NEDD4: variants seen among roughly 807,000 people sequenced by gnomAD.
NEDD4 encodes the protein NEDD4 E3 ubiquitin protein ligase.
NEDD4 carries 99 observed loss-of-function variants against 144.9 expected under a neutral mutation model. The observed-to-expected ratio is 0.68, with a 90% CI of 0.58 to 0.81. NEDD4 has a LOEUF of 0.81. Among genes scored for constraint, NEDD4 ranks in the 30% least tolerant of loss-of-function variants. The pLI is 0.00. For missense variants in NEDD4, 985 were observed against 1,065.9 expected (o/e 0.92, Z 1.06); for synonymous variants, 318 against 350.6 (o/e 0.91, Z 1.04).
intron 5 of NEDD4, among the ~76,000 whole-genome samples, chr15:55,923,830 C>CTT (rs11376596): frequency 8.0e-4 from 121 of 150,678 alleles, no homozygotes; most frequent in Non-Finnish European, 1.3e-3. Flanking sequence ...TAAAAACAGA[C>CTT]TTTTTTTTAA....
chr15:55,958,858 A>T (rs2037381867), intron 2 of NEDD4, among the ~76,000 whole-genome samples: 1 of 150,302 alleles, frequency 6.7e-6, no homozygotes. Flanking sequence ...CAGGGTCTAT[A>T]GCAATGCCCC....
At chr15:55,850,277 T>G (rs1483348239) in intron 14 of NEDD4, among the ~76,000 whole-genome samples, 1 of 152,212 alleles carries the variant, frequency 6.6e-6, no homozygotes, top group Non-Finnish European at 1.5e-5. Flanking sequence ...TATTCCTATG[T>G]ATCTTCTTAA....
chr15:55,934,010 G>C (rs1420947343), intron 4 of NEDD4, among the ~76,000 whole-genome samples: 1 of 152,104 alleles, frequency 6.6e-6, no homozygotes, highest in Admixed American at 6.5e-5. Context: ...AAAATTAGCT[G>C]GGTGTGGTGG....
At chr15:55,923,423 G>A (rs1401486113) in intron 5 of NEDD4, among the ~76,000 whole-genome samples, 5 of 151,304 alleles carry the variant, frequency 3.3e-5, no homozygotes, top group East Asian at 4.0e-4. Context: ...AGAGGCAGGC[G>A]GATCACGAGA....
At chr15:55,882,815 G>A (rs928222893) in intron 5 of NEDD4, among the ~76,000 whole-genome samples, 7 of 152,138 alleles carry the variant, frequency 4.6e-5, no homozygotes, top group Admixed American at 3.3e-4. Context: ...CTTACAACCT[G>A]GATACCAGCT....
intron 17 of NEDD4, among the ~76,000 whole-genome samples, chr15:55,847,778 G>A (rs1253381349): frequency 6.6e-6 from 1 of 151,198 alleles, no homozygotes; most frequent in East Asian, 2.0e-4. Flanking sequence ...CTGGGTTCAA[G>A]TGATTCTCCT....
intron 5 of NEDD4, among the ~76,000 whole-genome samples, chr15:55,898,685 A>T (rs2035816376): frequency 7.0e-6 from 1 of 142,622 alleles, no homozygotes; most frequent in Admixed American, 7.4e-5. Context: ...TGCCCAGGCT[A>T]AATACAGTGG....
chr15:55,939,014 G>A (rs947193472), intron 4 of NEDD4, among the ~76,000 whole-genome samples: 2 of 152,142 alleles, frequency 1.3e-5, no homozygotes, highest in South Asian at 4.1e-4. Context: ...GGCTGAGGTA[G>A]GCCATCATTT....
At chr15:55,852,668 C>G in intron 12 of NEDD4, 125 bp from the exon 13 acceptor site, 2 of 451,576 alleles carry the variant, frequency 4.4e-6, no homozygotes, top group Non-Finnish European at 7.2e-6. Context: ...TGCTCTGTTA[C>G]TACAGTTTTG....
At chr15:55,853,366 C>G (rs535870156) in intron 12 of NEDD4, among the ~76,000 whole-genome samples, 10 of 152,262 alleles carry the variant, frequency 6.6e-5, no homozygotes, top group Middle Eastern at 3.4e-3. Context: ...TCATTTACTT[C>G]CCACCTGAAT....
chr15:55,841,283 G>A lies in NEDD4; in HGVS notation c.1839-556C>T, dbSNP rs146000620. On this transcript the variant is annotated intron_variant, in intron 19 of 28. Transcript: ENST00000435532. ...ATGGAATATTATTCTGCCTTAAAAA[G>A]GAAGGACATTCTGATACATACTACA... Among the ~76,000 whole-genome samples, 952 of 152,278 alleles carry A rather than the reference G, an allele frequency of 6.3e-3. 7 individuals carry two copies. Among genetic ancestry groups the A allele is most frequent in the African/African-American group, 0.022 (909 of 41,558 alleles).
intron 5 of NEDD4, among the ~76,000 whole-genome samples, chr15:55,881,640 C>T (rs2035197155): frequency 6.6e-6 from 1 of 151,712 alleles, no homozygotes; most frequent in African/African-American, 2.4e-5. Flanking sequence ...TTAAAAAAAA[C>T]AAAAACAAAA....
intron 5 of NEDD4, among the ~76,000 whole-genome samples, chr15:55,876,550 A>C (rs1173794351): frequency 6.6e-6 from 1 of 152,202 alleles, no homozygotes; most frequent in African/African-American, 2.4e-5. Flanking sequence ...TATGATTGAC[A>C]TAAGTTAATC....
At position 55,840,712 on chromosome 15, in the gene NEDD4, T is replaced by C; in HGVS notation, c.1854A>G (p.Leu618=). The C allele has an allele frequency of 1.9e-6, 3 of 1,613,502 alleles. No individual in the cohort carries two copies. The highest frequency in any genetic ancestry group is 1.1e-5 in the South Asian group (1 of 90,812). ...ACAATCCAGAGTTTGGATTTATCTG[T>C]AGGGTATAATTGTCCCTGTAAAGAC... ...FEYSATDNYT[L]QINPNSGLCN... The change falls in exon 20 of 29, where the codon CTA becomes CTG. Residue 618 remains leucine, a synonymous_variant. Transcript: ENST00000435532.
intron 4 of NEDD4, among the ~76,000 whole-genome samples, chr15:55,941,509 G>GT (rs772567083): frequency 1.5e-4 from 23 of 151,160 alleles, no homozygotes; most frequent in Non-Finnish European, 2.9e-4. Flanking sequence ...ATACATACGT[G>GT]TGTTACTGAA....
At chr15:55,880,383 TC>T in intron 5 of NEDD4, among the ~76,000 whole-genome samples, 1 of 152,238 alleles carries the variant, frequency 6.6e-6, no homozygotes, top group East Asian at 1.9e-4. Flanking sequence ...CCGTGACATT[TC>T]AGAGCACCAG....
At chr15:55,875,650 C>T (rs1217108427) in intron 5 of NEDD4, among the ~76,000 whole-genome samples, 1 of 151,834 alleles carries the variant, frequency 6.6e-6, no homozygotes, top group African/African-American at 2.4e-5. Context: ...AAATATAATA[C>T]ATGAAATAAA....
At chr15:55,948,769 A>G (rs1357130681) in intron 4 of NEDD4, among the ~76,000 whole-genome samples, 5 of 152,108 alleles carry the variant, frequency 3.3e-5, no homozygotes, top group African/African-American at 4.8e-5. Context: ...AGCTGAAACT[A>G]GATCCCTTCC....
chr15:55,941,902 G>A (rs1268250139), intron 4 of NEDD4, among the ~76,000 whole-genome samples: 2 of 152,088 alleles, frequency 1.3e-5, no homozygotes. Flanking sequence ...CCTTTTAACT[G>A]TACTGAAACT....
Sources: gnomAD v4.1 joint callset for allele counts (sites outside exome capture counted in the v4.1 genomes callset) on GRCh38, gnomAD v4.1.1 for gene constraint, MANE v1.5 for transcripts, NCBI Gene and HGNC (gene_info 2026-07-23, HGNC 2026-07-21) for gene names.